KCNT1: variants seen among roughly 807,000 people sequenced by gnomAD.
The protein encoded by KCNT1 is potassium channel subfamily T member 1.
KCNT1 carries 78 observed loss-of-function variants against 147.8 expected under a neutral mutation model. That is an observed-to-expected ratio of 0.53 (90% confidence interval 0.44 to 0.64). The LOEUF (loss-of-function observed/expected upper bound fraction) is 0.64, where lower values mean the gene tolerates loss of function less well. Among genes scored for constraint, KCNT1 ranks in the 30% least tolerant of loss-of-function variants. The pLI is 0.00. For synonymous variants in KCNT1, 867 were observed against 748.8 expected, an observed-to-expected ratio of 1.16 and a Z score of -2.58; for missense variants, 1,419 against 1,750.3, an observed-to-expected ratio of 0.81 and a Z score of 3.38.
chr9:135,770,359 G>A lies in KCNT1; in HGVS notation c.1681G>A (p.Val561Met). Reference protein sequence around the residue: ...RMYGRCSGNEVYHIRMGDSKF... With the variant: ...RMYGRCSGNEMYHIRMGDSKF... ...GTATGGGCGCTGCTCCGGCAACGAG[G>A]TGTACCACATCCGCATGGGTGACAG... Residue 561 changes from valine to methionine, a missense_variant, in exon 17 of 31, where the codon GTG becomes ATG. Val to Met is a conservative substitution (Grantham distance 21). Around this residue, in one of 5 missense-constraint regions of KCNT1, gnomAD observed 284 missense variants for 292.8 expected, o/e 0.97. Coordinates refer to ENST00000371757, the MANE Select transcript of KCNT1 (RefSeq NM_020822.3). 6.2e-7 allele frequency: 1 copy of A among 1,613,110 alleles called. No homozygotes were observed. Among genetic ancestry groups the A allele is most frequent in the Middle Eastern group, 1.7e-4 (1 of 6,058 alleles).
At chr9:135,732,036 A>AGAGAGAGAGAGAGAGAGG (rs1471974281) in intron 2 of KCNT1, among the ~76,000 whole-genome samples, 2 of 137,260 alleles carry the variant, frequency 1.5e-5, no homozygotes, top group African/African-American at 2.7e-5. Context: ...AGAGAGAGAG[A>AGAGAGAGAGAGAGAGAGG]GAGAGGGAGT....
At chr9:135,703,960 C>A (rs957583946) in intron 1 of KCNT1, among the ~76,000 whole-genome samples, 4 of 152,338 alleles carry the variant, frequency 2.6e-5, no homozygotes, top group African/African-American at 9.6e-5. Context: ...GAGCAGCCGC[C>A]GGCAGTGGAG....
Position 135,709,632 on chromosome 9 carries a change from T to TG in KCNT1, c.111-4944dup, listed in dbSNP as rs1270808119. Among the ~76,000 whole-genome samples the TG allele has an allele frequency of 2.0e-5, 3 of 152,198 alleles. No individual in the cohort carries two copies. In the South Asian group the frequency reaches 6.2e-4, roughly 32 times the overall value. ...ATTAGCTAGGTGGCTTGTCTTTACT[T>TG]GTGCGTTGTTTTCCATTCCTCTTCT... On this transcript the variant is annotated intron_variant, in intron 1 of 30. Coordinates refer to ENST00000371757, the MANE Select transcript of KCNT1 (RefSeq NM_020822.3).
At chr9:135,758,844 G>A (rs1326334516) in intron 10 of KCNT1, among the ~76,000 whole-genome samples, 1 of 152,250 alleles carries the variant, frequency 6.6e-6, no homozygotes, top group East Asian at 1.9e-4. Context: ...TGAAAGCAGG[G>A]TCTGGAGGCA....
chr9:135,790,197 C>G (rs1488138927), intron 29 of KCNT1: 2 of 152,258 alleles, frequency 1.3e-5, no homozygotes, highest in African/African-American at 4.8e-5. Context: ...GCCAGTCAGG[C>G]AGGGGGGCAG....
intron 3 of KCNT1, among the ~76,000 whole-genome samples, 171 bp from the exon 4 acceptor site, chr9:135,750,771 G>A (rs1030985945): frequency 6.6e-6 from 1 of 152,202 alleles, no homozygotes; most frequent in Non-Finnish European, 1.5e-5. Flanking sequence ...GCTGACCCAA[G>A]AGCATCAGCC....
At chr9:135,782,426 C>T (rs1833681769) in intron 24 of KCNT1, among the ~76,000 whole-genome samples, 1 of 152,160 alleles carries the variant, frequency 6.6e-6, no homozygotes, top group Non-Finnish European at 1.5e-5. Context: ...CCTGTGTGAT[C>T]TCTCCTCCTC....
At chr9:135,753,658 C>T (rs753586299) in intron 4 of KCNT1, 21 of 540,324 alleles carry the variant, frequency 3.9e-5, no homozygotes, top group Admixed American at 6.4e-5. Flanking sequence ...CCCCCAATCC[C>T]GCAGATGTGG....
intron 2 of KCNT1, among the ~76,000 whole-genome samples, chr9:135,732,918 CCAGA>C (rs1254503201): frequency 6.6e-6 from 1 of 152,014 alleles, no homozygotes; most frequent in Non-Finnish European, 1.5e-5. Flanking sequence ...GTCTCCCCAG[CCAGA>C]CAGTGACCAA....
intron 24 of KCNT1, among the ~76,000 whole-genome samples, chr9:135,781,124 G>A (rs894839894): frequency 9.8e-5 from 15 of 152,316 alleles, no homozygotes; most frequent in East Asian, 5.8e-4. Flanking sequence ...GGGCGGGTGC[G>A]GCCAGCTCTC....
chr9:135,741,686 G>A (rs1001149252), intron 2 of KCNT1, among the ~76,000 whole-genome samples: 1 of 152,260 alleles, frequency 6.6e-6, no homozygotes, highest in Non-Finnish European at 1.5e-5. Context: ...GAGGGCACCT[G>A]CCCACCCGGA....
chr9:135,775,688 A>C (rs749589767), intron 20 of KCNT1, among the ~76,000 whole-genome samples: 4 of 152,012 alleles, frequency 2.6e-5, no homozygotes. Flanking sequence ...GAGCCACCAC[A>C]CCCCTTTCCC....
intron 25 of KCNT1, 52 bp from the exon 26 acceptor site, chr9:135,784,481 GGC>G (rs1833859669): frequency 1.7e-6 from 1 of 598,692 alleles, no homozygotes; most frequent in East Asian, 3.1e-5. Flanking sequence ...GCCTCACTGT[GGC>G]TCCCTCCCTC....
chr9:135,780,353 C>T (rs898808378), intron 24 of KCNT1, among the ~76,000 whole-genome samples: 18 of 152,170 alleles, frequency 1.2e-4, no homozygotes, highest in Admixed American at 3.3e-4. Flanking sequence ...ATTGTGACAC[C>T]GTGGAGGATC....
chr9:135,775,460 CACCGGGCCGTGCAT>C, intron 20 of KCNT1, 45 bp downstream of exon 20: 1 of 1,466,676 alleles, frequency 6.8e-7, no homozygotes. Context: ...CAGACGCCAG[CACCGGGCCGTGCAT>C]ACCTGCCCTG....
chr9:135,771,661 C>G lies in KCNT1; in HGVS notation c.2008+566C>G, dbSNP rs1013270416. On this transcript the variant is annotated intron_variant, in intron 18 of 30. Transcript: ENST00000371757. ...GTGGCCGAGGGCTTTGGCCTCTTCTCGTGCCTTCAGGGATCCTCCCGGGGA... is the reference window on the plus strand; with the variant it reads ...GTGGCCGAGGGCTTTGGCCTCTTCTGGTGCCTTCAGGGATCCTCCCGGGGA... Among the ~76,000 whole-genome samples the G allele has an allele frequency of 2.6e-5, 4 of 152,234 alleles. No homozygotes were observed. The South Asian group carries it at 8.3e-4, about 31-fold the overall frequency.
chr9:135,775,821 G>A (rs80354529), intron 20 of KCNT1, among the ~76,000 whole-genome samples: 5,458 of 152,300 alleles, frequency 0.036, 141 homozygotes, highest in Middle Eastern at 0.11. Flanking sequence ...TGGGCCGAGG[G>A]CCCCGAAGGC....
At chr9:135,738,911 C>G (rs1018469314) in intron 2 of KCNT1, among the ~76,000 whole-genome samples, 1 of 152,162 alleles carries the variant, frequency 6.6e-6, no homozygotes, top group Non-Finnish European at 1.5e-5. Context: ...AGGAGACCAT[C>G]ACTGCAAAGC....
At chr9:135,707,785 C>T (rs548950270) in intron 1 of KCNT1, among the ~76,000 whole-genome samples, 26 of 152,200 alleles carry the variant, frequency 1.7e-4, no homozygotes, top group Non-Finnish European at 3.1e-4. Flanking sequence ...GTGCTGCTGG[C>T]CTTCCCCTCT....
Sources: gnomAD v4.1 joint callset for allele counts (sites outside exome capture counted in the v4.1 genomes callset) on GRCh38, gnomAD v4.1.1 for gene constraint, gnomAD v4.1.1 regional missense constraint, MANE v1.5 for transcripts, NCBI Gene and HGNC (gene_info 2026-07-23, HGNC 2026-07-21) for gene names.